PRSS23: variants seen among roughly 807,000 people sequenced by gnomAD.
PRSS23 encodes the protein serine protease 23.
In PRSS23, 25 loss-of-function variants were observed where a neutral mutation model predicts 34.7. The observed-to-expected ratio is 0.72, with a 90% confidence interval of 0.53 to 1.01. PRSS23 has a LOEUF of 1.01. Ranked by LOEUF, PRSS23 falls within the 50% of genes least tolerant of loss-of-function variation. The pLI, the probability that PRSS23 is intolerant of heterozygous loss-of-function variation, is 0.00. For missense variants in PRSS23, 445 were observed against 475.6 expected (o/e 0.94, Z 0.60); for synonymous variants, 176 against 186.6 (o/e 0.94, Z 0.46).
At chr11:86,893,779 A>G (rs74652814) in intron 2 of PRSS23, among the ~76,000 whole-genome samples, 5,628 of 152,326 alleles carry the variant, frequency 0.037, 143 homozygotes, top group Middle Eastern at 0.12. Context: ...ATACAAATAT[A>G]AAATGAATAC....
At chr11:86,890,754 T>A (rs1040916320) in intron 2 of PRSS23, among the ~76,000 whole-genome samples, 2 of 152,018 alleles carry the variant, frequency 1.3e-5, no homozygotes, top group African/African-American at 4.8e-5. Context: ...TGTTTGCAAG[T>A]GGTTGCAGTT....
intron 2 of PRSS23, chr11:86,937,643 C>T (rs974257299): frequency 6.6e-5 from 10 of 152,180 alleles, no homozygotes; most frequent in African/African-American, 2.4e-4. Context: ...TTACAGATGC[C>T]ATGGCAATGT....
At chr11:86,939,403 A>AATATAT (rs1555083965) in intron 2 of PRSS23, among the ~76,000 whole-genome samples, 4 of 80,546 alleles carry the variant, frequency 5.0e-5, no homozygotes, top group South Asian at 9.0e-4. Context: ...TAAAAAAAAA[A>AATATAT]ATATATATAT....
rs185262328 is a variant in PRSS23 at position 86,834,719 on chromosome 11, G to A, written c.206+11126G>A. ...TTGATAGGTGTTCCCTCGGAAGTTAGGAATTCCCTTTCTCTCCATATTGCT... is the reference window on the plus strand; with the variant it reads ...TTGATAGGTGTTCCCTCGGAAGTTAAGAATTCCCTTTCTCTCCATATTGCT... On this transcript the variant is annotated intron_variant, in intron 2 of 2. Coordinates refer to the PRSS23 transcript ENST00000533902. Among the ~76,000 whole-genome samples the A allele has an allele frequency of 9.9e-5, 15 of 152,122 alleles. No homozygotes were observed. The East Asian group carries it at 2.7e-3, about 27-fold the overall frequency.
At chr11:86,898,667 A>T (rs927707536) in intron 2 of PRSS23, among the ~76,000 whole-genome samples, 1 of 152,206 alleles carries the variant, frequency 6.6e-6, no homozygotes, top group Non-Finnish European at 1.5e-5. Context: ...CACACTGAAG[A>T]TGTGATAAGT....
intron 1 of PRSS23, among the ~76,000 whole-genome samples, chr11:86,807,260 G>A (rs1438136517): frequency 1.3e-5 from 2 of 152,218 alleles, no homozygotes; most frequent in South Asian, 2.1e-4. Context: ...GGTAGAAGAG[G>A]AGGAGGTTTA....
rs566175162 is a variant in PRSS23 at position 86,856,026 on chromosome 11, G to A, written c.206+32433G>A. ...AAATATATATTTTAAAAATGTCTCA[G>A]AATGTGAAACTTTAGGGATACTGTG... On this transcript the variant is annotated intron_variant, in intron 2 of 2. Transcript: ENST00000533902. Among the ~76,000 whole-genome samples, 6 of 152,208 alleles carry A rather than the reference G, an allele frequency of 3.9e-5. No homozygotes were observed. The East Asian group carries it at 5.8e-4, about 15-fold the overall frequency.
At chr11:86,815,393 A>G (rs180814815), downstream of PRSS23, among the ~76,000 whole-genome samples, 2 of 152,372 alleles carry the variant, frequency 1.3e-5, no homozygotes, top group Admixed American at 6.5e-5. Context: ...TGTCCCCACA[A>G]TTAGAACAGT....
At chr11:86,821,631 A>G in intron 1 of PRSS23, 2 of 1,595,092 alleles carry the variant, frequency 1.3e-6, no homozygotes, top group South Asian at 2.2e-5. Context: ...CATAACTTTC[A>G]TCTTGGCCTT....
chr11:86,814,411 A>G (rs1301335415), downstream of PRSS23, among the ~76,000 whole-genome samples: 1 of 152,122 alleles, frequency 6.6e-6, no homozygotes, highest in African/African-American at 2.4e-5. Context: ...GAAGCCACCA[A>G]TAAGGTTAAG....
At chr11:86,844,733 G>C (rs980637490) in intron 2 of PRSS23, among the ~76,000 whole-genome samples, 1 of 152,188 alleles carries the variant, frequency 6.6e-6, no homozygotes, top group Admixed American at 6.5e-5. Flanking sequence ...AACAAGTGTT[G>C]TTTTATCATC....
chr11:86,895,602 C>T (rs977144210), intron 2 of PRSS23, among the ~76,000 whole-genome samples: 5 of 150,852 alleles, frequency 3.3e-5, no homozygotes, highest in Non-Finnish European at 7.4e-5. Flanking sequence ...ACCTCAGCCT[C>T]CTAAGTAGCT....
intron 2 of PRSS23, among the ~76,000 whole-genome samples, chr11:86,850,164 A>G (rs1034848896): frequency 2.0e-5 from 3 of 152,132 alleles, no homozygotes; most frequent in African/African-American, 7.2e-5. Flanking sequence ...CTCCTTGTCA[A>G]ATTTGTTTCC....
chr11:86,871,089 C>T (rs1219276608), intron 2 of PRSS23, among the ~76,000 whole-genome samples: 7 of 152,026 alleles, frequency 4.6e-5, no homozygotes, highest in African/African-American at 7.2e-5. Flanking sequence ...TGAATTGGAG[C>T]GCTTAGACTA....
intron 2 of PRSS23, among the ~76,000 whole-genome samples, chr11:86,852,725 G>A (rs936133798): frequency 2.4e-4 from 37 of 152,080 alleles, no homozygotes; most frequent in African/African-American, 8.0e-4. Flanking sequence ...AATGGAAAAG[G>A]GACCCATTAA....
intron 2 of PRSS23, chr11:86,909,187 C>T (rs1948962255): frequency 6.6e-6 from 1 of 152,148 alleles, no homozygotes; most frequent in South Asian, 2.1e-4. Flanking sequence ...TGTGCCAGGC[C>T]TTCCTCCATA....
At chr11:86,952,515 T>C (rs1323940991) in exon 3 of PRSS23, 1 of 1,600,400 alleles carries the variant, frequency 6.2e-7, no homozygotes, top group Admixed American at 1.7e-5. Flanking sequence ...AACAATGACT[T>C]GGAAGTTTGA....
chr11:86,855,955 A>C (rs1020564483), intron 2 of PRSS23, among the ~76,000 whole-genome samples: 10 of 152,226 alleles, frequency 6.6e-5, no homozygotes, highest in Non-Finnish European at 1.5e-4. Flanking sequence ...ATAATACATC[A>C]TTGTGTGTGT....
rs376854255 is a variant in PRSS23, at chr11:86,952,377, G to A, written c.*1092G>A. 9.0e-5 allele frequency: 146 copies of A among 1,614,054 alleles called. No homozygotes were observed. The highest frequency in any genetic ancestry group is 1.2e-4 in the Non-Finnish European group (136 of 1,180,038). ...AATTCCTTCAGGACGGGTTCACAGC[G>A]TCTCTTGACTGAAAGACACATGCCG... On this transcript the variant is annotated 3_prime_UTR_variant, in exon 3 of 3. Coordinates refer to the PRSS23 transcript ENST00000533902.
Sources: allele counts gnomAD v4.1 joint callset (sites outside exome capture counted in the v4.1 genomes callset), GRCh38; gene constraint gnomAD v4.1.1; transcripts MANE v1.5; gene names NCBI Gene and HGNC (gene_info 2026-07-23, HGNC 2026-07-21).